Variants in AIM2 observed in about 807,000 individuals in gnomAD.
AIM2 encodes the protein absent in melanoma 2, also known as interferon-inducible protein AIM2.
Under a neutral mutation model 27.7 loss-of-function variants are expected in AIM2, and 30 were observed. That is an observed-to-expected ratio of 1.08 (90% CI 0.81 to 1.47). The LOEUF (loss-of-function observed/expected upper bound fraction) is 1.47, where lower values mean the gene tolerates loss of function less well. Ranked by LOEUF, AIM2 falls within the 40% of genes most tolerant of loss-of-function variation. The pLI is 0.00. For missense variants in AIM2, 358 were observed against 411.3 expected (o/e 0.87, Z 1.12); for synonymous variants, 141 against 145.3 (o/e 0.97, Z 0.21).
intron 1 of AIM2, among the ~76,000 whole-genome samples, chr1:159,090,122 G>C (rs998995710): frequency 6.6e-6 from 1 of 152,168 alleles, no homozygotes; most frequent in Non-Finnish European, 1.5e-5. Context: ...GTTCCCAGGG[G>C]GATTGGCTGC....
At chr1:159,136,693 A>C (rs1570984849) in intron 1 of AIM2, among the ~76,000 whole-genome samples, 1 of 152,260 alleles carries the variant, frequency 6.6e-6, no homozygotes, top group Non-Finnish European at 1.5e-5. Flanking sequence ...TATAGCAAGT[A>C]CTAAGGACAT....
chr1:159,056,390 C>G, the AIM2 span, among the ~76,000 whole-genome samples: 1 of 152,064 alleles, frequency 6.6e-6, no homozygotes, highest in Non-Finnish European at 1.5e-5. Flanking sequence ...ATTGCCCCCT[C>G]TAAAGAAATG....
intron 1 of AIM2, among the ~76,000 whole-genome samples, chr1:159,075,534 T>TACAC (rs55988373): frequency 0.041 from 5,338 of 129,382 alleles, 223 homozygotes; most frequent in African/African-American, 0.12. Flanking sequence ...ATACCTGCAA[T>TACAC]ACACACACAC....
chr1:159,074,634 TTATAAC>T (rs1219515104), intron 1 of AIM2, among the ~76,000 whole-genome samples: 12 of 152,102 alleles, frequency 7.9e-5, no homozygotes, highest in Non-Finnish European at 1.0e-4. Flanking sequence ...ATTCAACAGT[TTATAAC>T]TATAAGATTA....
At chr1:159,135,559 C>T (rs1647997438) in intron 1 of AIM2, among the ~76,000 whole-genome samples, 1 of 152,122 alleles carries the variant, frequency 6.6e-6, no homozygotes, top group African/African-American at 2.4e-5. Context: ...CTCTCCTCAG[C>T]CATTAGAGAC....
rs146765504 is a variant in AIM2, at chr1:159,134,113, C to T, written c.-16+6318G>A. The stretch of plus-strand genomic sequence containing the variant: ...AATCTTAGAGCCTTTCTTGTCAACT[C>T]TTTCCCCTTTGTACCATTTCTAATC... On this transcript the variant is annotated intron_variant, in intron 1 of 2. Transcript: ENST00000368129. Among the ~76,000 whole-genome samples, 439 of 152,306 alleles carry T rather than the reference C, an allele frequency of 2.9e-3. 5 individuals are homozygous for T. The highest frequency in any genetic ancestry group is 1.0e-2 in the African/African-American group (414 of 41,562).
intron 1 of AIM2, among the ~76,000 whole-genome samples, chr1:159,119,186 C>T (rs117936900): frequency 7.9e-5 from 12 of 152,154 alleles, no homozygotes; most frequent in East Asian, 5.8e-4. Context: ...AGGAGAGACA[C>T]GCAGTGAAAG....
intron 1 of AIM2, among the ~76,000 whole-genome samples, chr1:159,099,044 AG>A (rs1396924062): frequency 6.6e-6 from 1 of 151,468 alleles, no homozygotes; most frequent in Non-Finnish European, 1.5e-5. Flanking sequence ...GTCACTCTGG[AG>A]AAAGTTCAAG....
intron 1 of AIM2, among the ~76,000 whole-genome samples, chr1:159,100,576 T>C (rs1657290669): frequency 6.6e-6 from 1 of 152,236 alleles, no homozygotes; most frequent in Non-Finnish European, 1.5e-5. Context: ...CTATGAAACC[T>C]ATTCTGAACC....
intron 1 of AIM2, among the ~76,000 whole-genome samples, chr1:159,127,544 G>T (rs2102046411): frequency 6.6e-6 from 1 of 152,306 alleles, no homozygotes; most frequent in African/African-American, 2.4e-5. Flanking sequence ...TATCACTTTG[G>T]GAAGCAAGAA....
chr1:159,121,458 T>C (rs1280252721), intron 1 of AIM2, among the ~76,000 whole-genome samples: 1 of 152,214 alleles, frequency 6.6e-6, no homozygotes, highest in Non-Finnish European at 1.5e-5. Flanking sequence ...AGAGACCAGT[T>C]TGACGTGCTT....
At chr1:159,147,026 G>A (rs924756201) in exon 1 of AIM2, 1 of 152,178 alleles carries the variant, frequency 6.6e-6, no homozygotes, top group African/African-American at 2.4e-5. Context: ...GAACTTGCTG[G>A]TCCTTCCTTC....
intron 2 of AIM2, 45 bp downstream of exon 2, chr1:159,073,193 C>A: frequency 6.2e-7 from 1 of 1,608,758 alleles, no homozygotes; most frequent in South Asian, 1.1e-5. Flanking sequence ...AAGGCCCAGG[C>A]TTGGCAGAAA....
At chr1:159,071,912 G>T (rs1401554559) in intron 2 of AIM2, among the ~76,000 whole-genome samples, 3 of 151,948 alleles carry the variant, frequency 2.0e-5, no homozygotes, top group Admixed American at 1.3e-4. Flanking sequence ...TCCCAAACTG[G>T]ATCTTTTTTA....
intron 3 of AIM2, among the ~76,000 whole-genome samples, chr1:159,067,211 C>T (rs55762293): frequency 0.035 from 5,355 of 152,214 alleles, 107 homozygotes; most frequent in Non-Finnish European, 0.046. Context: ...CACAAACACA[C>T]TAGAGAGATA....
intron 1 of AIM2, among the ~76,000 whole-genome samples, chr1:159,107,306 A>ATGTGTGTG (rs72077036): frequency 1.4e-5 from 2 of 147,876 alleles, no homozygotes; most frequent in African/African-American, 2.5e-5. Context: ...ACATGTGTGT[A>ATGTGTGTG]TGTGTGTGTG....
chr1:159,122,155 T>C (rs1647555106), intron 1 of AIM2: 2 of 152,154 alleles, frequency 1.3e-5, no homozygotes, highest in African/African-American at 4.8e-5. Context: ...ATATCAGTAG[T>C]TGCATTAATC....
intron 1 of AIM2, among the ~76,000 whole-genome samples, chr1:159,105,322 C>A (rs1250032515): frequency 6.6e-6 from 1 of 152,234 alleles, no homozygotes; most frequent in South Asian, 2.1e-4. Context: ...AAACCACAGA[C>A]CTCCAAAGAG....
At chr1:159,135,924 A>C (rs1648003022) in intron 1 of AIM2, among the ~76,000 whole-genome samples, 1 of 152,142 alleles carries the variant, frequency 6.6e-6, no homozygotes, top group Non-Finnish European at 1.5e-5. Flanking sequence ...ATCTCTGTAG[A>C]CACCAACCTG....
Sources: allele counts gnomAD v4.1 joint callset (sites outside exome capture counted in the v4.1 genomes callset), GRCh38; gene constraint gnomAD v4.1.1; transcripts MANE v1.5; gene names NCBI Gene and HGNC (gene_info 2026-07-23, HGNC 2026-07-21).